DEK: variants seen among roughly 807,000 people sequenced by gnomAD.
DEK encodes protein DEK.
Under a neutral mutation model 46.8 loss-of-function variants are expected in DEK, and 28 were observed. The observed-to-expected ratio is 0.60, with a 90% CI of 0.44 to 0.82. DEK has a LOEUF of 0.82. Ranked by LOEUF, DEK falls within the 40% of genes least tolerant of loss-of-function variation. The pLI is 0.00. For missense variants in DEK, 416 were observed against 430.6 expected (o/e 0.97, Z 0.30); for synonymous variants, 160 against 144.5 (o/e 1.11, Z -0.77).
At chr6:18,237,816 A>T (rs1790725381) in intron 7 of DEK, among the ~76,000 whole-genome samples, 1 of 150,952 alleles carries the variant, frequency 6.6e-6, no homozygotes, top group Non-Finnish European at 1.5e-5. Flanking sequence ...AATATAGATA[A>T]TATTATCTTC....
At chr6:18,240,266 T>C (rs186602014) in intron 7 of DEK, among the ~76,000 whole-genome samples, 2 of 152,222 alleles carry the variant, frequency 1.3e-5, no homozygotes, top group Non-Finnish European at 2.9e-5. Context: ...TCATATCTGC[T>C]GTAAAGGATA....
At position 18,224,507 on chromosome 6, in the gene DEK, T is replaced by G. The variant is rs1790023088; in HGVS notation, c.*1212A>C. Reference sequence around the variant, plus strand: ...TAAATTTGAAAGACAAAATTAAGTCTCATTCAGGAGTGGTCCATTATGTTG... The same window carrying G: ...TAAATTTGAAAGACAAAATTAAGTCGCATTCAGGAGTGGTCCATTATGTTG... On this transcript the variant is annotated 3_prime_UTR_variant, in exon 11 of 11. Coordinates refer to ENST00000652689, the MANE Select transcript of DEK (RefSeq NM_003472.4). 1 of 201,726 alleles carries G rather than the reference T, an allele frequency of 5.0e-6. No individual in the cohort carries two copies. The highest frequency in any genetic ancestry group is 1.9e-4 in the South Asian group (1 of 5,264). 12.5% of individuals were successfully genotyped at this position (201,726 alleles called of 1,614,324 possible).
chr6:18,263,140 C>A (rs1211754928), intron 2 of DEK, among the ~76,000 whole-genome samples: 1 of 152,212 alleles, frequency 6.6e-6, no homozygotes, highest in Non-Finnish European at 1.5e-5. Flanking sequence ...CCGCAGCACA[C>A]TCCTCTATTC....
intron 9 of DEK, among the ~76,000 whole-genome samples, chr6:18,231,594 G>C (rs895617807): frequency 1.3e-5 from 2 of 152,130 alleles, no homozygotes; most frequent in East Asian, 1.9e-4. Flanking sequence ...ACACCTCTAC[G>C]CAAATAAACT....
At chr6:18,242,768 C>T (rs1394860620) in intron 7 of DEK, among the ~76,000 whole-genome samples, 22 of 151,920 alleles carry the variant, frequency 1.4e-4, no homozygotes, top group Admixed American at 1.4e-3. Flanking sequence ...CAAAGAGAAG[C>T]CATAAAGTGG....
chr6:18,253,471 C>T (rs552223218), intron 6 of DEK, among the ~76,000 whole-genome samples: 1 of 152,210 alleles, frequency 6.6e-6, no homozygotes, highest in African/African-American at 2.4e-5. Context: ...TTCAATAAAA[C>T]GTCAACATTT....
At chr6:18,249,129 C>T (rs988276743) in intron 7 of DEK, among the ~76,000 whole-genome samples, 8 of 152,012 alleles carry the variant, frequency 5.3e-5, no homozygotes, top group African/African-American at 1.7e-4. Context: ...ACAAATACTC[C>T]CAAATAAAAG....
At chr6:18,256,924 G>A (rs1024044927) in intron 4 of DEK, among the ~76,000 whole-genome samples, 1 of 152,168 alleles carries the variant, frequency 6.6e-6, no homozygotes, top group Admixed American at 6.5e-5. Flanking sequence ...TGGGACTTGT[G>A]TAAATTAAAT....
intron 9 of DEK, among the ~76,000 whole-genome samples, chr6:18,229,135 G>C: frequency 6.6e-6 from 1 of 152,204 alleles, no homozygotes; most frequent in Non-Finnish European, 1.5e-5. Context: ...GGTCTGCAGT[G>C]GACCTCCAGC....
intron 9 of DEK, among the ~76,000 whole-genome samples, chr6:18,231,165 AC>A (rs1297049179): frequency 6.6e-6 from 1 of 152,202 alleles, no homozygotes; most frequent in African/African-American, 2.4e-5. Context: ...GTTCTTTGAA[AC>A]CAATGAGAAA....
At chr6:18,235,302 C>T (rs1292169113) in intron 9 of DEK, among the ~76,000 whole-genome samples, 6 of 152,194 alleles carry the variant, frequency 3.9e-5, no homozygotes, top group African/African-American at 1.2e-4. Context: ...CTAATATTTT[C>T]TCCTAACTTC....
At position 18,224,733 on chromosome 6, in the gene DEK, G is replaced by GTA. The variant is rs1478092886; in HGVS notation, c.*984_*985dup. ...AATCGTGAAGCTGGCTAGGTTTCCAGTAAATATCAGCATTTTATATGGGCA... is the reference window on the plus strand; with the variant it reads ...AATCGTGAAGCTGGCTAGGTTTCCAGTATAAATATCAGCATTTTATATGGGCA... On this transcript the variant is annotated 3_prime_UTR_variant, in exon 11 of 11. Transcript: ENST00000652689. 2 of 214,762 alleles carry GTA rather than the reference G, an allele frequency of 9.3e-6. No homozygotes were observed. Among genetic ancestry groups the GTA allele is most frequent in the African/African-American group, 4.5e-5 (2 of 44,284 alleles). 13.3% of individuals were successfully genotyped at this position (214,762 alleles called of 1,614,324 possible).
intron 2 of DEK, among the ~76,000 whole-genome samples, chr6:18,263,517 G>A (rs1380147410): frequency 2.0e-5 from 3 of 150,918 alleles, no homozygotes; most frequent in African/African-American, 7.4e-5. Flanking sequence ...CACACACACA[G>A]GTAAAAAAAA....
chr6:18,257,182 C>T (rs1791633462), intron 4 of DEK, among the ~76,000 whole-genome samples: 1 of 152,128 alleles, frequency 6.6e-6, no homozygotes, highest in Non-Finnish European at 1.5e-5. Flanking sequence ...ACCAAATTCA[C>T]TTTGTATGAG....
At chr6:18,227,447 G>GTTTATCTGCTGACCTTGTCTCCA (rs1790191138) in intron 9 of DEK, among the ~76,000 whole-genome samples, 1 of 147,450 alleles carries the variant, frequency 6.8e-6, no homozygotes. Context: ...TTGTTCACAT[G>GTTTATCTGCTGACCTTGTCTCCA]TTTATCTGCT....
chr6:18,237,539 T>C, intron 7 of DEK, 23 bp from the exon 8 acceptor site: 1 of 1,593,500 alleles, frequency 6.3e-7, no homozygotes, highest in Non-Finnish European at 8.5e-7. Context: ...AAAGTAAAAG[T>C]ACACATATTG....
chr6:18,225,775 T>C, intron 10 of DEK, 45 bp from the exon 11 acceptor site: 19 of 1,606,984 alleles, frequency 1.2e-5, no homozygotes, highest in Non-Finnish European at 1.5e-5. Flanking sequence ...TCATAAACCT[T>C]TATCCCATTT....
At chr6:18,238,124 C>T (rs1247540883) in intron 7 of DEK, among the ~76,000 whole-genome samples, 1 of 151,964 alleles carries the variant, frequency 6.6e-6, no homozygotes, top group Non-Finnish European at 1.5e-5. Context: ...CTGCCTTGGC[C>T]TCCCAAAGTG....
chr6:18,235,081 T>G (rs557512707), intron 9 of DEK, among the ~76,000 whole-genome samples: 26 of 152,370 alleles, frequency 1.7e-4, no homozygotes, highest in African/African-American at 5.3e-4. Flanking sequence ...CACTGTCATT[T>G]TAATGATGAT....
Sources: allele counts gnomAD v4.1 joint callset (sites outside exome capture counted in the v4.1 genomes callset), GRCh38; gene constraint gnomAD v4.1.1; transcripts MANE v1.5; gene names NCBI Gene and HGNC (gene_info 2026-07-23, HGNC 2026-07-21).